The following COMMD1 variants were observed in gnomAD, a reference collection of about 807,000 sequenced individuals.
COMMD1 encodes the protein copper metabolism domain containing 1, also known as COMM domain-containing protein 1.
COMMD1 carries 10 observed loss-of-function variants against 17.2 expected under a neutral mutation model. The ratio of observed to expected loss-of-function variants is 0.58; its 90% CI spans 0.36 to 0.99. COMMD1 has a LOEUF of 0.99. Among genes scored for constraint, COMMD1 ranks in the 50% least tolerant of loss-of-function variants. The pLI is 0.01. For synonymous variants in COMMD1, 97 were observed against 91.6 expected, an observed-to-expected ratio of 1.06 and a Z score of -0.34; for missense variants, 270 against 231.8, an observed-to-expected ratio of 1.17 and a Z score of -1.07.
chr2:62,099,118 G>C (rs1672101859), intron 2 of COMMD1, among the ~76,000 whole-genome samples: 1 of 152,146 alleles, frequency 6.6e-6, no homozygotes, highest in South Asian at 2.1e-4. Flanking sequence ...AGTAGGGGAG[G>C]GAGAAGGAAA....
rs1449067542 is a variant in COMMD1 at position 62,004,493 on chromosome 2, G to T, written c.462+3511G>T. Reference sequence around the variant, plus strand: ...ATTTTTTGTATTTTTAGTAGAGATGGGGGTTTCACCATCTTGGCCAGGCTG... The same window carrying T: ...ATTTTTTGTATTTTTAGTAGAGATGTGGGTTTCACCATCTTGGCCAGGCTG... On this transcript the variant is annotated intron_variant, in intron 2 of 2. Transcript: ENST00000311832. Among the ~76,000 whole-genome samples the T allele has an allele frequency of 3.3e-5, 5 of 151,902 alleles. No individual in the cohort carries two copies. The East Asian group carries it at 9.6e-4, about 29-fold the overall frequency.
rs970404339 is a variant in COMMD1 at position 62,015,510 on chromosome 2, CTG to C, written c.462+14530_462+14531del. The stretch of plus-strand genomic sequence containing the variant: ...GGTATACAAATATCTATTTTAGTCT[CTG>C]TTTTTAATTCTTTTGGGTATATACT... On this transcript the variant is annotated intron_variant, in intron 2 of 2. Transcript: ENST00000311832. Among the ~76,000 whole-genome samples, 95 of 152,122 alleles carry C rather than the reference CTG, an allele frequency of 6.2e-4. 1 individual carries two copies. Among genetic ancestry groups the C allele is most frequent in the African/African-American group, 2.0e-3 (84 of 41,422 alleles).
At chr2:62,058,140 G>A (rs1670759822) in intron 2 of COMMD1, among the ~76,000 whole-genome samples, 1 of 152,070 alleles carries the variant, frequency 6.6e-6, no homozygotes, top group South Asian at 2.1e-4. Flanking sequence ...TTTAGCATTT[G>A]ATCTGTATTG....
chr2:62,098,095 A>G (rs979752114), intron 2 of COMMD1, among the ~76,000 whole-genome samples: 1 of 151,406 alleles, frequency 6.6e-6, no homozygotes, highest in Admixed American at 6.6e-5. Flanking sequence ...GCAAACTCCC[A>G]ACTTGGTTTC....
At chr2:62,009,401 T>C (rs1669217474) in intron 2 of COMMD1, among the ~76,000 whole-genome samples, 1 of 152,020 alleles carries the variant, frequency 6.6e-6, no homozygotes, top group African/African-American at 2.4e-5. Context: ...GGTCAGGAGT[T>C]CGAGATCAGC....
chr2:61,960,098 G>A (rs757515455), intron 1 of COMMD1, among the ~76,000 whole-genome samples: 1 of 150,388 alleles, frequency 6.6e-6, no homozygotes, highest in South Asian at 2.1e-4. Flanking sequence ...AGCTAGGACA[G>A]CTGATTTGGA....
chr2:62,102,312 G>A (rs1423824187), intron 2 of COMMD1, among the ~76,000 whole-genome samples: 1 of 152,050 alleles, frequency 6.6e-6, no homozygotes, highest in African/African-American at 2.4e-5. Flanking sequence ...TATTCCCTCT[G>A]CTTCAAAATA....
intron 1 of COMMD1, among the ~76,000 whole-genome samples, chr2:61,915,006 CTTTT>C (rs112968937): frequency 1.5e-5 from 2 of 133,208 alleles, no homozygotes. Context: ...CTTTTCTTTC[CTTTT>C]TTTTTTTTTT....
At chr2:62,076,994 C>T (rs1360319937) in intron 2 of COMMD1, among the ~76,000 whole-genome samples, 1 of 151,922 alleles carries the variant, frequency 6.6e-6, no homozygotes. Flanking sequence ...AGCCTGGCAT[C>T]GTGGCTCATG....
intron 1 of COMMD1, among the ~76,000 whole-genome samples, chr2:61,934,544 G>T (rs1405367492): frequency 2.6e-5 from 4 of 152,148 alleles, no homozygotes; most frequent in Non-Finnish European, 4.4e-5. Flanking sequence ...GCAACACAGG[G>T]AGACCCTGCC....
At chr2:62,025,950 TC>T (rs1669743088) in intron 2 of COMMD1, among the ~76,000 whole-genome samples, 1 of 152,174 alleles carries the variant, frequency 6.6e-6, no homozygotes, top group Non-Finnish European at 1.5e-5. Context: ...TGCCTTGGCC[TC>T]CCAAAGTGGT....
chr2:62,045,413 A>C (rs924605951), intron 2 of COMMD1, among the ~76,000 whole-genome samples: 2 of 152,204 alleles, frequency 1.3e-5, no homozygotes, highest in African/African-American at 4.8e-5. Flanking sequence ...TATAGAAACT[A>C]TACCTATATC....
intron 2 of COMMD1, among the ~76,000 whole-genome samples, chr2:62,115,267 A>G (rs575213709): frequency 3.3e-4 from 50 of 152,366 alleles, no homozygotes; most frequent in South Asian, 6.2e-4. Flanking sequence ...TTCACTAATC[A>G]CTGGGGAGAG....
chr2:61,966,545 C>G (rs551292032), intron 1 of COMMD1, among the ~76,000 whole-genome samples: 5 of 152,142 alleles, frequency 3.3e-5, no homozygotes, highest in African/African-American at 1.2e-4. Flanking sequence ...CTATTTTTAG[C>G]TGTGCCAAAT....
chr2:62,094,902 G>A (rs914869612), intron 2 of COMMD1, among the ~76,000 whole-genome samples: 1 of 152,126 alleles, frequency 6.6e-6, no homozygotes, highest in Non-Finnish European at 1.5e-5. Flanking sequence ...TTTTCAAATG[G>A]CAATTTTATA....
rs59504162 is a variant in COMMD1, at chr2:61,997,858, C to G, written c.181-2843C>G. Among the ~76,000 whole-genome samples, 601 of 152,246 alleles carry G rather than the reference C, an allele frequency of 3.9e-3. 1 individual carries two copies. Among genetic ancestry groups the G allele is most frequent in the African/African-American group, 0.014 (574 of 41,564 alleles). On this transcript the variant is annotated intron_variant, in intron 1 of 2. Coordinates refer to ENST00000311832, the MANE Select transcript of COMMD1 (RefSeq NM_152516.4). ...GAAAGTCCTATTTTATGAGAACTCA[C>G]AAACAAAAAATAAAGTCCTAGATGG...
chr2:62,107,312 T>G (rs1248613727), intron 2 of COMMD1, among the ~76,000 whole-genome samples: 1 of 152,162 alleles, frequency 6.6e-6, no homozygotes, highest in Non-Finnish European at 1.5e-5. Flanking sequence ...TCCTGGCCAT[T>G]TGTCTCTAGG....
At chr2:62,131,715 A>G (rs1276384697) in intron 2 of COMMD1, among the ~76,000 whole-genome samples, 1 of 150,918 alleles carries the variant, frequency 6.6e-6, no homozygotes, top group Non-Finnish European at 1.5e-5. Flanking sequence ...GCTTATTTTT[A>G]TACTTTTTTT....
chr2:61,926,874 G>T (rs1207349560), intron 1 of COMMD1, among the ~76,000 whole-genome samples: 1 of 152,032 alleles, frequency 6.6e-6, no homozygotes, highest in Admixed American at 6.6e-5. Context: ...GGCCACAGGT[G>T]CCTCTGTGAT....
Sources: gnomAD v4.1 joint callset for allele counts (sites outside exome capture counted in the v4.1 genomes callset) on GRCh38, gnomAD v4.1.1 for gene constraint, MANE v1.5 for transcripts, NCBI Gene and HGNC (gene_info 2026-07-23, HGNC 2026-07-21) for gene names.